Variants in SLIT3 observed in about 807,000 individuals in gnomAD.
SLIT3 encodes slit homolog 3 protein.
Under a neutral mutation model 184.0 loss-of-function variants are expected in SLIT3, and 68 were observed. The observed-to-expected ratio is 0.37, with a 90% CI of 0.30 to 0.45. The LOEUF is 0.45. Ranked by LOEUF, SLIT3 falls within the 20% of genes least tolerant of loss-of-function variation. The probability of loss-of-function intolerance (pLI) is 1.00; values close to 1 mark genes in which losing one functional copy is unlikely to be tolerated. For missense variants in SLIT3, 1,707 were observed against 2,026.0 expected, an observed-to-expected ratio of 0.84 and a Z score of 3.02; for synonymous variants, 831 against 828.6, an observed-to-expected ratio of 1.00 and a Z score of -0.05.
chr5:169,128,000 G>T lies in SLIT3; in HGVS notation c.413+65479C>A, dbSNP rs527730466. 9.2e-5 allele frequency among the ~76,000 whole-genome samples: 14 copies of T among 151,980 alleles called. No individual in the cohort carries two copies. In the South Asian group the frequency reaches 2.5e-3, roughly 27 times the overall value. ...CCTATTTTAAAAATTATTTCTCAAGGCATTAAAAACTTACCAAATGTACCA... is the reference window on the plus strand; with the variant it reads ...CCTATTTTAAAAATTATTTCTCAAGTCATTAAAAACTTACCAAATGTACCA... On this transcript the variant is annotated intron_variant, in intron 4 of 35. Transcript: ENST00000519560.
chr5:168,795,674 G>T, intron 9 of SLIT3, 96 bp from the exon 10 acceptor site: 1 of 969,476 alleles, frequency 1.0e-6, no homozygotes, highest in Non-Finnish European at 1.7e-6. Context: ...GGACAGGGAG[G>T]TCTTTTTTGT....
At chr5:169,166,679 C>T (rs1762646668) in intron 4 of SLIT3, among the ~76,000 whole-genome samples, 1 of 152,142 alleles carries the variant, frequency 6.6e-6, no homozygotes, top group African/African-American at 2.4e-5. Context: ...TGCTACAGGC[C>T]TCATTGTTTC....
chr5:168,679,082 C>T (rs529330346), intron 32 of SLIT3, among the ~76,000 whole-genome samples: 17 of 152,208 alleles, frequency 1.1e-4, no homozygotes, highest in South Asian at 2.1e-4. Context: ...TTTTTGAGAT[C>T]GGGTCTTGCT....
intron 4 of SLIT3, among the ~76,000 whole-genome samples, chr5:168,976,902 T>G (rs114050443): frequency 0.021 from 3,247 of 152,296 alleles, 133 homozygotes; most frequent in African/African-American, 0.074. Flanking sequence ...AGGACCCGTT[T>G]CCCTTCTCAC....
chr5:169,171,585 G>A (rs1581014450), intron 4 of SLIT3, among the ~76,000 whole-genome samples: 1 of 152,340 alleles, frequency 6.6e-6, no homozygotes, highest in East Asian at 1.9e-4. Context: ...AGCCAAAGAT[G>A]TGGTCTCCCA....
chr5:169,002,322 CAAAAAAAAAAAAA>C (rs397999882), intron 4 of SLIT3, among the ~76,000 whole-genome samples: 88 of 24,204 alleles, frequency 3.6e-3, no homozygotes, highest in Admixed American at 0.011. Flanking sequence ...GACTCTGTCT[CAAAAAAAAAAAAA>C]AAAAAAAAAA....
At chr5:169,006,353 G>C (rs2113439940) in intron 4 of SLIT3, among the ~76,000 whole-genome samples, 1 of 152,272 alleles carries the variant, frequency 6.6e-6, no homozygotes, top group South Asian at 2.1e-4. Flanking sequence ...GATCTGGATT[G>C]TATTCTACTG....
At chr5:168,669,225 GTGAGTGACTTCCAATTGTAGGTCA>G (rs1761154978) in intron 35 of SLIT3, among the ~76,000 whole-genome samples, 1 of 152,208 alleles carries the variant, frequency 6.6e-6, no homozygotes, top group Non-Finnish European at 1.5e-5. Flanking sequence ...AAATGATGGT[GTGAGTGACTTCCAATTGTAGGTCA>G]TACAAGACAA....
At chr5:169,071,265 A>T (rs1464294351) in intron 4 of SLIT3, among the ~76,000 whole-genome samples, 1 of 152,228 alleles carries the variant, frequency 6.6e-6, no homozygotes, top group East Asian at 1.9e-4. Flanking sequence ...GGCTCATGTA[A>T]TGAACACAAA....
intron 4 of SLIT3, among the ~76,000 whole-genome samples, chr5:169,015,043 C>A (rs952438929): frequency 6.6e-6 from 1 of 151,942 alleles, no homozygotes; most frequent in African/African-American, 2.4e-5. Flanking sequence ...AAAAGCAAAA[C>A]CTTGTCATTG....
chr5:168,852,442 C>T (rs1436455474), intron 5 of SLIT3, among the ~76,000 whole-genome samples: 2 of 152,198 alleles, frequency 1.3e-5, no homozygotes, highest in Non-Finnish European at 2.9e-5. Flanking sequence ...AGAGCTGAGA[C>T]ATTTCTTCCT....
intron 4 of SLIT3, among the ~76,000 whole-genome samples, chr5:168,896,756 A>G (rs1373306133): frequency 6.6e-6 from 1 of 152,212 alleles, no homozygotes; most frequent in Admixed American, 6.5e-5. Flanking sequence ...AGACTCCCAC[A>G]AAGAGAAGGG....
chr5:168,825,681 C>T (rs1757677765), intron 6 of SLIT3, among the ~76,000 whole-genome samples: 1 of 152,166 alleles, frequency 6.6e-6, no homozygotes, highest in Non-Finnish European at 1.5e-5. Context: ...TGGGGAGATG[C>T]TCAGTGGGGG....
intron 4 of SLIT3, among the ~76,000 whole-genome samples, chr5:168,913,507 C>T (rs186314724): frequency 6.6e-6 from 1 of 152,108 alleles, no homozygotes; most frequent in Non-Finnish European, 1.5e-5. Context: ...GTGGCTCATG[C>T]CTGTAGTACC....
At chr5:168,940,387 T>C (rs1562017677) in intron 4 of SLIT3, among the ~76,000 whole-genome samples, 1 of 152,182 alleles carries the variant, frequency 6.6e-6, no homozygotes, top group African/African-American at 2.4e-5. Context: ...AATCAACAGT[T>C]AAGAAGAACC....
At chr5:169,186,109 CT>C in intron 4 of SLIT3, among the ~76,000 whole-genome samples, 1 of 152,314 alleles carries the variant, frequency 6.6e-6, no homozygotes, top group South Asian at 2.1e-4. Context: ...TGAAATGCCC[CT>C]GACCCTCCCT....
In SLIT3 at chr5:168,676,010, C is replaced by CATCTCTCCACCCACCCACCT. The variant is rs1761397896; in HGVS notation, c.3687-2699_3687-2680dup. The stretch of plus-strand genomic sequence containing the variant: ...CCTCCTCTCCATCCATCCACCTATC[C>CATCTCTCCACCCACCCACCT]ATCTCTCCACCCACCCACCTACTTA... On this transcript the variant is annotated intron_variant, in intron 32 of 35. Coordinates refer to ENST00000519560, the MANE Select transcript of SLIT3 (RefSeq NM_003062.4). Among the ~76,000 whole-genome samples the CATCTCTCCACCCACCCACCT allele has an allele frequency of 2.0e-5, 3 of 152,218 alleles. No homozygotes were observed. The East Asian group carries it at 5.8e-4, about 29-fold the overall frequency.
intron 4 of SLIT3, among the ~76,000 whole-genome samples, chr5:169,150,883 T>C (rs767087439): frequency 6.6e-6 from 1 of 152,152 alleles, no homozygotes; most frequent in Non-Finnish European, 1.5e-5. Flanking sequence ...GAATCAGCAA[T>C]CTGATTTCAT....
At chr5:168,876,233 C>T (rs148931702) in intron 5 of SLIT3, among the ~76,000 whole-genome samples, 319 of 152,230 alleles carry the variant, frequency 2.1e-3, no homozygotes, top group Admixed American at 8.8e-3. Flanking sequence ...ATTTAGGTCC[C>T]CCATATTTCT....
Sources: gnomAD v4.1 joint callset for allele counts (sites outside exome capture counted in the v4.1 genomes callset) on GRCh38, gnomAD v4.1.1 for gene constraint, MANE v1.5 for transcripts, NCBI Gene and HGNC (gene_info 2026-07-23, HGNC 2026-07-21) for gene names.